The following CNOT7 variants were observed in gnomAD, a reference collection of about 807,000 sequenced individuals.
CNOT7 encodes the protein CCR4-NOT transcription complex subunit 7.
In CNOT7, 4 loss-of-function variants were observed where a neutral mutation model predicts 37.1. The observed-to-expected ratio is 0.11, with a 90% CI of 0.05 to 0.25. CNOT7 has a LOEUF of 0.25. Among genes scored for constraint, CNOT7 ranks in the 10% least tolerant of loss-of-function variants. The pLI, the probability that CNOT7 is intolerant of heterozygous loss-of-function variation, is 1.00. For missense variants in CNOT7, 170 were observed against 336.2 expected, an observed-to-expected ratio of 0.51 and a Z score of 3.87; for synonymous variants, 128 against 115.6, an observed-to-expected ratio of 1.11 and a Z score of -0.69.
intron 4 of CNOT7, among the ~76,000 whole-genome samples, chr8:17,236,940 G>A (rs756980174): frequency 1.3e-5 from 2 of 152,150 alleles, no homozygotes; most frequent in African/African-American, 2.4e-5. Flanking sequence ...TCCAAATGGC[G>A]CCGCTGGATT....
intron 4 of CNOT7, 125 bp downstream of exon 4, chr8:17,237,087 C>G (rs1361779781): frequency 1.1e-6 from 1 of 874,864 alleles, no homozygotes; most frequent in Non-Finnish European, 1.8e-6. Flanking sequence ...AGTTAGGAGA[C>G]AACTCTATAT....
intron 2 of CNOT7, chr8:17,243,659 C>T (rs1049168819): frequency 5.9e-5 from 27 of 456,400 alleles, no homozygotes; most frequent in African/African-American, 4.2e-4. Flanking sequence ...ATTTCTCTGG[C>T]TTAAACAATA....
intron 3 of CNOT7, among the ~76,000 whole-genome samples, chr8:17,240,602 A>G (rs941595137): frequency 3.3e-5 from 5 of 152,212 alleles, no homozygotes; most frequent in African/African-American, 2.4e-5. Flanking sequence ...GGAAACTGTC[A>G]ATTTTATCCA....
intron 1 of CNOT7, chr8:17,246,194 A>C (rs1023616207): frequency 6.6e-6 from 1 of 152,336 alleles, no homozygotes; most frequent in African/African-American, 2.4e-5. Context: ...CTGCAGTCCC[A>C]GAAGCCCCGA....
chr8:17,237,064 T>G (rs1375942365), intron 4 of CNOT7, 148 bp downstream of exon 4: 7 of 718,662 alleles, frequency 9.7e-6, no homozygotes, highest in Non-Finnish European at 2.3e-6. Context: ...CAGACCAACA[T>G]TAGCCTCCTA....
chr8:17,231,682 C>A (rs1808635601), intron 6 of CNOT7: 1 of 985,152 alleles, frequency 1.0e-6, no homozygotes, highest in African/African-American at 1.7e-5. Flanking sequence ...TTTTGCACAA[C>A]CAATTTTCCT....
chr8:17,238,112 T>C (rs1563200290), intron 3 of CNOT7, among the ~76,000 whole-genome samples: 1 of 152,186 alleles, frequency 6.6e-6, no homozygotes, highest in Non-Finnish European at 1.5e-5. Context: ...CAACCACAAA[T>C]ATGTGTATCT....
intron 4 of CNOT7, among the ~76,000 whole-genome samples, chr8:17,236,874 G>A (rs1585806428): frequency 6.6e-6 from 1 of 152,106 alleles, no homozygotes. Context: ...TTCCCCCGTA[G>A]AACATTAAAA....
At chr8:17,232,914 T>C (rs1011229857) in intron 5 of CNOT7, among the ~76,000 whole-genome samples, 1 of 152,190 alleles carries the variant, frequency 6.6e-6, no homozygotes. Flanking sequence ...ATAACACCAT[T>C]TTTTTCATAT....
chr8:17,234,107 G>A (rs971699416), intron 5 of CNOT7, among the ~76,000 whole-genome samples: 1 of 152,080 alleles, frequency 6.6e-6, no homozygotes, highest in Non-Finnish European at 1.5e-5. Flanking sequence ...GTTATGCAGC[G>A]TCAAAATGTT....
chr8:17,232,096 G>T (rs1808715891), intron 6 of CNOT7: 1 of 998,134 alleles, frequency 1.0e-6, no homozygotes. Context: ...GAACTCTGGA[G>T]TTCTCCCACT....
chr8:17,241,434 A>C (rs1360331247), intron 3 of CNOT7: 1 of 152,166 alleles, frequency 6.6e-6, no homozygotes, highest in African/African-American at 2.4e-5. Flanking sequence ...CAGTGTAATT[A>C]CAAGCCACAC....
In CNOT7 at chr8:17,228,202, TG is replaced by T. The variant is rs1285923600; in HGVS notation, c.*2517del. ...ACAAAAACAGGCAGCAAGCTGATTC[TG>T]GCTACGGGCCATAGTTTGACAACCC... is the stretch of plus-strand genomic sequence containing the variant. On this transcript the variant is annotated 3_prime_UTR_variant, in exon 7 of 7. Transcript: ENST00000361272. 1 of 151,958 alleles carries T rather than the reference TG, an allele frequency of 6.6e-6. No homozygotes were observed. The highest frequency in any genetic ancestry group is 2.4e-5 in the African/African-American group (1 of 41,440). 9.4% of individuals were successfully genotyped at this position (151,958 alleles called of 1,614,324 possible).
chr8:17,226,517 C>T lies in CNOT7; in HGVS notation c.*4203G>A, dbSNP rs1808171146. 1 of 151,630 alleles carries T rather than the reference C, an allele frequency of 6.6e-6. No homozygotes were observed. Among genetic ancestry groups the T allele is most frequent in the Admixed American group, 6.6e-5 (1 of 15,174 alleles). The allele number at this position is 151,630 out of a possible 1,614,324, so 9.4% of individuals were successfully genotyped here. A position where few individuals can be genotyped will look rare whatever the true frequency, so the allele number is the denominator to read the frequency against. On this transcript the variant is annotated 3_prime_UTR_variant, in exon 7 of 7. Transcript: ENST00000361272. ...GGTATTTGCCCTTTAGCATGTCATTCATTCAAGATGATTCATTTCCAACAG... is the reference window on the plus strand; with the variant it reads ...GGTATTTGCCCTTTAGCATGTCATTTATTCAAGATGATTCATTTCCAACAG...
At chr8:17,236,564 C>T (rs1451578511) in intron 4 of CNOT7, among the ~76,000 whole-genome samples, 1 of 152,066 alleles carries the variant, frequency 6.6e-6, no homozygotes, top group East Asian at 1.9e-4. Context: ...ACCATTAAAA[C>T]AAGTCTTCAA....
rs1808197893 is a variant in CNOT7 at position 17,226,946 on chromosome 8, TAGC to T, written c.*3771_*3773del. The T allele has an allele frequency of 6.6e-6, 1 of 151,438 alleles. No individual in the cohort carries two copies. Among genetic ancestry groups the T allele is most frequent in the African/African-American group, 2.4e-5 (1 of 41,296 alleles). 9.4% of individuals were successfully genotyped at this position (151,438 alleles called of 1,614,324 possible). A position where few individuals can be genotyped will look rare whatever the true frequency, so the allele number is the denominator to read the frequency against. On this transcript the variant is annotated 3_prime_UTR_variant, in exon 7 of 7. Transcript: ENST00000361272. ...GCCCAAAAAAATAAAAATAAATCTT[TAGC>T]ACTGCTAAGCCATTGAACGCCTGTG...
intron 4 of CNOT7, among the ~76,000 whole-genome samples, chr8:17,236,051 A>G (rs1476811128): frequency 6.6e-6 from 1 of 152,218 alleles, no homozygotes; most frequent in Non-Finnish European, 1.5e-5. Context: ...AAAAAAAGGT[A>G]TTTGTATCAA....
At chr8:17,237,186 T>G (rs763315586) in intron 4 of CNOT7, 26 bp downstream of exon 4, 1 of 1,608,804 alleles carries the variant, frequency 6.2e-7, no homozygotes, top group Admixed American at 1.7e-5. Context: ...GAAAAACAAA[T>G]GCCATTTTCA....
chr8:17,245,069 A>C lies in CNOT7; in HGVS notation c.84T>G (p.Arg28=). The change falls in exon 2 of 7, where the codon CGT becomes CGG. Residue 28 remains arginine (R), a synonymous_variant. Coordinates refer to ENST00000361272, the MANE Select transcript of CNOT7 (RefSeq NM_013354.7). ...CNLDEEMKKI[R]QVIRKYNYVA... is the part of the protein sequence containing the mutation. ...CGTAATTATATTTTCGGATAACTTGACGAATTTTCTTCATCTCTTCATCCA... is the reference window on the plus strand; with the variant it reads ...CGTAATTATATTTTCGGATAACTTGCCGAATTTTCTTCATCTCTTCATCCA... 1 of 1,613,754 alleles carries C rather than the reference A, an allele frequency of 6.2e-7. No individual in the cohort carries two copies.
Sources: allele counts gnomAD v4.1 joint callset (sites outside exome capture counted in the v4.1 genomes callset), GRCh38; gene constraint gnomAD v4.1.1; transcripts MANE v1.5; gene names NCBI Gene and HGNC (gene_info 2026-07-23, HGNC 2026-07-21).